MTAP: variants seen among roughly 807,000 people sequenced by gnomAD.
MTAP encodes the protein S-methyl-5'-thioadenosine phosphorylase.
Under a neutral mutation model 33.6 loss-of-function variants are expected in MTAP, and 33 were observed. The observed-to-expected ratio is 0.98, with a 90% CI of 0.74 to 1.31. The LOEUF (loss-of-function observed/expected upper bound fraction) is 1.31, where lower values mean the gene tolerates loss of function less well. Ranked by LOEUF, MTAP falls within the 40% of genes most tolerant of loss-of-function variation. The pLI is 0.00. For synonymous variants in MTAP, 148 were observed against 125.7 expected (o/e 1.18, Z -1.19); for missense variants, 367 against 360.0 (o/e 1.02, Z -0.16).
chr9:21,879,204 C>CT (rs1817956207), intron 1 of MTAP, among the ~76,000 whole-genome samples: 2 of 152,118 alleles, frequency 1.3e-5, no homozygotes, highest in Non-Finnish European at 2.9e-5. Flanking sequence ...TTGTTGGTCT[C>CT]TAAGAACTTG....
intron 1 of MTAP, among the ~76,000 whole-genome samples, chr9:21,929,103 A>G (rs1319955891): frequency 6.6e-6 from 1 of 152,064 alleles, no homozygotes. Context: ...TCACTGCTCC[A>G]GTATCTATTC....
At chr9:21,882,386 A>G (rs1818030178) in intron 1 of MTAP, among the ~76,000 whole-genome samples, 1 of 152,154 alleles carries the variant, frequency 6.6e-6, no homozygotes, top group South Asian at 2.1e-4. Flanking sequence ...ATTGTAAAAC[A>G]TTGTTCACAT....
At chr9:21,899,364 G>A (rs577949777) in intron 1 of MTAP, among the ~76,000 whole-genome samples, 37 of 149,804 alleles carry the variant, frequency 2.5e-4, no homozygotes, top group Middle Eastern at 6.8e-3. Flanking sequence ...CATATGTACC[G>A]CATAACTTAA....
intron 1 of MTAP, among the ~76,000 whole-genome samples, chr9:21,912,482 A>G (rs1010578658): frequency 6.6e-6 from 1 of 152,150 alleles, no homozygotes; most frequent in African/African-American, 2.4e-5. Flanking sequence ...TTCAACATAC[A>G]CAAATCAATA....
rs1818801581 is a variant in MTAP at position 21,922,404 on chromosome 9, C to T, written c.148-8604C>T. The stretch of plus-strand genomic sequence containing the variant: ...GCACTTGGATTTCTCAGGTTGCCAA[C>T]TTGGCCCTCTTCCAAGTTACTTTAC... On this transcript the variant is annotated intron_variant, in intron 1 of 1. Coordinates refer to the MTAP transcript ENST00000577563. The surrounding 1 kb of genome is among the most constrained non-coding windows in gnomAD (Gnocchi z 4.8). 6.6e-6 allele frequency among the ~76,000 whole-genome samples: 1 copy of T among 152,150 alleles called. No individual in the cohort carries two copies. The highest frequency in any genetic ancestry group is 2.4e-5 in the African/African-American group (1 of 41,432).
intron 1 of MTAP, among the ~76,000 whole-genome samples, chr9:21,886,513 T>C (rs952091922): frequency 3.2e-4 from 49 of 152,336 alleles, no homozygotes; most frequent in African/African-American, 1.1e-3. Flanking sequence ...TTCTTCGTCA[T>C]GAACTTTTTA....
chr9:21,904,725 A>G (rs1433655195), intron 1 of MTAP, among the ~76,000 whole-genome samples: 1 of 152,226 alleles, frequency 6.6e-6, no homozygotes, highest in African/African-American at 2.4e-5. Flanking sequence ...AAGGTTTTTT[A>G]ACACCAAATT....
At chr9:21,821,689 C>T (rs1824644685) in intron 4 of MTAP, among the ~76,000 whole-genome samples, 1 of 152,130 alleles carries the variant, frequency 6.6e-6, no homozygotes, top group Non-Finnish European at 1.5e-5. Context: ...GGAATAGTTT[C>T]AGAAGGAATG....
chr9:21,862,146 A>G lies in MTAP; in HGVS notation c.*132A>G. On this transcript the variant is annotated 3_prime_UTR_variant, in exon 8 of 8. Coordinates refer to ENST00000644715, the MANE Select transcript of MTAP (RefSeq NM_002451.4). The stretch of plus-strand genomic sequence containing the variant: ...CTTGCCTATCAAAGAGTATGTTGTA[A>G]GAAAGACAAGACATTGTGTGTATTA... 1 of 1,531,774 alleles carries G rather than the reference A, an allele frequency of 6.5e-7. No homozygotes were observed. The highest frequency in any genetic ancestry group is 8.8e-7 in the Non-Finnish European group (1 of 1,142,808). The allele number at this position is 1,531,774 out of a possible 1,614,324, so 94.9% of individuals were successfully genotyped here.
At chr9:21,907,157 T>C (rs1286908303) in intron 1 of MTAP, among the ~76,000 whole-genome samples, 1 of 152,224 alleles carries the variant, frequency 6.6e-6, no homozygotes, top group Non-Finnish European at 1.5e-5. Flanking sequence ...ATTTAGACTA[T>C]GTGAACCCGG....
intron 1 of MTAP, among the ~76,000 whole-genome samples, chr9:21,876,835 T>G (rs1826017390): frequency 2.0e-5 from 3 of 152,124 alleles, no homozygotes; most frequent in Non-Finnish European, 4.4e-5. Context: ...TAGGATTGCC[T>G]TGGCTATTTG....
At chr9:21,840,243 A>C (rs544772120) in intron 5 of MTAP, among the ~76,000 whole-genome samples, 2 of 152,208 alleles carry the variant, frequency 1.3e-5, no homozygotes, top group South Asian at 2.1e-4. Flanking sequence ...AAAGTAAAGA[A>C]AAGACAGGGC....
chr9:21,821,189 C>A (rs1373181073), intron 4 of MTAP, among the ~76,000 whole-genome samples: 4 of 152,208 alleles, frequency 2.6e-5, no homozygotes, highest in Admixed American at 6.5e-5. Context: ...GAGAGGGCAT[C>A]CCTGTCTTGT....
rs181069126 is a variant in MTAP at position 21,819,468 on chromosome 9, A to C, written c.347+1266A>C. 1.4e-3 allele frequency among the ~76,000 whole-genome samples: 214 copies of C among 152,338 alleles called. 2 individuals are homozygous for C. The highest frequency in any genetic ancestry group is 2.4e-3 in the Non-Finnish European group (160 of 68,036). ...ATCCATGTCCCTACAAAGGACAGGA[A>C]CTAATCCCTTTTTATGGCTGCGTAG... On this transcript the variant is annotated intron_variant, in intron 4 of 7. Coordinates refer to ENST00000644715, the MANE Select transcript of MTAP (RefSeq NM_002451.4).
At chr9:21,876,792 C>G (rs749545011) in intron 1 of MTAP, among the ~76,000 whole-genome samples, 1 of 151,932 alleles carries the variant, frequency 6.6e-6, no homozygotes, top group Non-Finnish European at 1.5e-5. Context: ...CGAAGTTGGG[C>G]AACGTGATGC....
chr9:21,929,449 G>T, intron 1 of MTAP: 1 of 176,074 alleles, frequency 5.7e-6, no homozygotes, highest in Admixed American at 5.6e-5. Context: ...ATCACCTTAG[G>T]TCACCATGGC....
rs1471912557 is a variant in MTAP at position 21,804,200 on chromosome 9, T to C, written c.33+1419T>C. Among the ~76,000 whole-genome samples, 4 of 152,218 alleles carry C rather than the reference T, an allele frequency of 2.6e-5. No homozygotes were observed. The East Asian group carries it at 5.8e-4, about 22-fold the overall frequency. On this transcript the variant is annotated intron_variant, in intron 1 of 7. Transcript: ENST00000644715. ...GAAGCTTATTAAGTGGTAGTGCTTA[T>C]AAGTGGGGGAACTGAGATTAATTTT...
chr9:21,910,366 A>G lies in MTAP; in HGVS notation c.148-20642A>G, dbSNP rs1380747800. Among the ~76,000 whole-genome samples the G allele has an allele frequency of 3.3e-5, 5 of 152,204 alleles. No individual in the cohort carries two copies. The East Asian group carries it at 9.6e-4, about 29-fold the overall frequency. Reference sequence around the variant, plus strand: ...ATAGTATATTTGAAAGTGAAGATGAAAAAAATAAAACTAGTGTAGGTAAGT... The same window carrying G: ...ATAGTATATTTGAAAGTGAAGATGAGAAAAATAAAACTAGTGTAGGTAAGT... On this transcript the variant is annotated intron_variant, in intron 1 of 1. Coordinates refer to the MTAP transcript ENST00000577563.
At position 21,802,812 on chromosome 9, in the gene MTAP, C is replaced by A. The variant is rs375113789; in HGVS notation, c.33+31C>A. 12 of 1,611,832 alleles carry A rather than the reference C, an allele frequency of 7.4e-6. No individual in the cohort carries two copies. In the African/African-American group the frequency reaches 1.6e-4, roughly 22 times the overall value. On this transcript the variant is annotated intron_variant, in intron 1 of 7. Coordinates refer to ENST00000644715, the MANE Select transcript of MTAP (RefSeq NM_002451.4). The stretch of plus-strand genomic sequence containing the variant: ...ATGAGCCCTCCCAGCCGCAGCGGTT[C>A]GCCCTGCCGGATGCCTTCTCGCCCC...
Sources: gnomAD v4.1 joint callset for allele counts (sites outside exome capture counted in the v4.1 genomes callset) on GRCh38, gnomAD v4.1.1 for gene constraint, Gnocchi (gnomAD v3.1) non-coding constraint, MANE v1.5 for transcripts, NCBI Gene and HGNC (gene_info 2026-07-23, HGNC 2026-07-21) for gene names.